The following GUCY2C variants were observed in gnomAD, a reference collection of about 807,000 sequenced individuals.
The protein encoded by GUCY2C is guanylate cyclase 2C, also known as guanylyl cyclase C.
Under a neutral mutation model 131.1 loss-of-function variants are expected in GUCY2C, and 118 were observed. The observed-to-expected ratio is 0.90, with a 90% CI of 0.78 to 1.05. The LOEUF (loss-of-function observed/expected upper bound fraction) is 1.05, where lower values mean the gene tolerates loss of function less well. Among genes scored for constraint, GUCY2C ranks in the 50% least tolerant of loss-of-function variants. The pLI is 0.00. For missense variants in GUCY2C, 1,161 were observed against 1,304.4 expected, an observed-to-expected ratio of 0.89 and a Z score of 1.69; for synonymous variants, 452 against 457.8, an observed-to-expected ratio of 0.99 and a Z score of 0.16.
In GUCY2C at chr12:14,666,758, A is replaced by G. The variant is rs184084233; in HGVS notation, c.1282+2964T>C. Reference sequence around the variant, plus strand: ...TCCAAAAAAAAAAAAAAAGAGTAAGAAAAGAAAAGAAAAAGCCTTACTGAG... The same window carrying G: ...TCCAAAAAAAAAAAAAAAGAGTAAGGAAAGAAAAGAAAAAGCCTTACTGAG... On this transcript the variant is annotated intron_variant, in intron 10 of 26. Transcript: ENST00000261170. 5.7e-3 allele frequency among the ~76,000 whole-genome samples: 863 copies of G among 151,564 alleles called. 11 individuals are homozygous for G. Among genetic ancestry groups the G allele is most frequent in the African/African-American group, 0.02 (835 of 41,236 alleles).
At position 14,621,102 on chromosome 12, in the gene GUCY2C, T is replaced by A; in HGVS notation, c.2716A>T (p.Thr906Ser). 6.2e-7 allele frequency: 1 copy of A among 1,613,836 alleles called. No homozygotes were observed. The highest frequency in any genetic ancestry group is 8.5e-7 in the Non-Finnish European group (1 of 1,179,842). Reference protein sequence around the residue: ...MALEILSFMGTFELEHLPGLP... With the variant: ...MALEILSFMGSFELEHLPGLP... Reference sequence around the variant, plus strand: ...CCAGGAAGATGCTCCAGCTCAAAGGTCCCCATGAAGCTGAGGATTTCCAAG... The same window carrying A: ...CCAGGAAGATGCTCCAGCTCAAAGGACCCCATGAAGCTGAGGATTTCCAAG... Residue 906 changes from threonine to serine, a missense_variant, in exon 23 of 27, where the codon ACC (threonine) becomes TCC (serine). Coordinates refer to ENST00000261170, the MANE Select transcript of GUCY2C (RefSeq NM_004963.4).
Position 14,654,559 on chromosome 12 carries a change from T to C in GUCY2C, c.1471-1545A>G, listed in dbSNP as rs1947725943. Among the ~76,000 whole-genome samples, 3 of 152,220 alleles carry C rather than the reference T, an allele frequency of 2.0e-5. No homozygotes were observed. In the South Asian group the frequency reaches 6.2e-4, roughly 32 times the overall value. ...TGGTCAGGTGACTCATTCATTCCGA[T>C]GAACTAATCTGTACTCATAAAAATT... On this transcript the variant is annotated intron_variant, in intron 12 of 26. Coordinates refer to ENST00000261170, the MANE Select transcript of GUCY2C (RefSeq NM_004963.4).
chr12:14,640,593 G>A (rs948434516), intron 18 of GUCY2C, among the ~76,000 whole-genome samples: 14 of 152,024 alleles, frequency 9.2e-5, no homozygotes, highest in African/African-American at 2.7e-4. Context: ...CCCTCTCCAC[G>A]TCCCTTAGTC....
chr12:14,660,560 A>G (rs974588588), intron 11 of GUCY2C, among the ~76,000 whole-genome samples: 4 of 152,218 alleles, frequency 2.6e-5, no homozygotes, highest in Admixed American at 2.6e-4. Context: ...ATGTAATTTA[A>G]TGAGTTTGAT....
chr12:14,666,201 T>C (rs1227202376), intron 10 of GUCY2C, among the ~76,000 whole-genome samples: 1 of 152,218 alleles, frequency 6.6e-6, no homozygotes, highest in East Asian at 1.9e-4. Flanking sequence ...ATGCGGCCTC[T>C]ACCTGGCTGG....
chr12:14,622,650 T>G (rs1041033913), intron 21 of GUCY2C, among the ~76,000 whole-genome samples: 2 of 152,188 alleles, frequency 1.3e-5, no homozygotes, highest in African/African-American at 4.8e-5. Context: ...TAGTTTTACT[T>G]TCCTGGCATA....
In GUCY2C at chr12:14,613,750, C is replaced by A. The variant is rs944581580; in HGVS notation, c.3048-459G>T. ...CAAGTAAGGAGCCAGGTTTCTCATG[C>A]CCCAGGGAAGATTTGGGTTGTTTTG... On this transcript the variant is annotated intron_variant, in intron 26 of 26. Coordinates refer to ENST00000261170, the MANE Select transcript of GUCY2C (RefSeq NM_004963.4). This position sits in a 1 kb window ranked among gnomAD's most constrained non-coding sequence, Gnocchi z 4.9. Among the ~76,000 whole-genome samples the A allele has an allele frequency of 2.0e-5, 3 of 152,070 alleles. No homozygotes were observed. Among genetic ancestry groups the A allele is most frequent in the Non-Finnish European group, 2.9e-5 (2 of 68,008 alleles).
chr12:14,658,116 T>C (rs1184262208), intron 11 of GUCY2C, among the ~76,000 whole-genome samples: 1 of 152,204 alleles, frequency 6.6e-6, no homozygotes, highest in Non-Finnish European at 1.5e-5. Flanking sequence ...CAGAATTATA[T>C]AGAATTATGT....
chr12:14,655,458 T>C (rs1200081351), intron 12 of GUCY2C, among the ~76,000 whole-genome samples: 1 of 152,096 alleles, frequency 6.6e-6, no homozygotes, highest in Non-Finnish European at 1.5e-5. Context: ...GGTCTTTGGA[T>C]AGACATGAGG....
chr12:14,659,686 C>T (rs1398398124), intron 11 of GUCY2C, among the ~76,000 whole-genome samples: 1 of 152,172 alleles, frequency 6.6e-6, no homozygotes, highest in Non-Finnish European at 1.5e-5. Context: ...CTCTGTACCC[C>T]AGGAGACTCT....
At chr12:14,664,243 A>G (rs539374908) in intron 10 of GUCY2C, among the ~76,000 whole-genome samples, 1 of 152,256 alleles carries the variant, frequency 6.6e-6, no homozygotes, top group East Asian at 1.9e-4. Flanking sequence ...TGTTACTACA[A>G]TCACCACTTC....
rs752373636 is a variant in GUCY2C at position 14,612,849 on chromosome 12, G to C, written c.*268C>G. ...AAGAATAAAATCTTCTCAAGTTCTAGATAGTCTATTCATTTCTTTTCTTTT... is the reference window on the plus strand; with the variant it reads ...AAGAATAAAATCTTCTCAAGTTCTACATAGTCTATTCATTTCTTTTCTTTT... On this transcript the variant is annotated 3_prime_UTR_variant, in exon 27 of 27. Transcript: ENST00000261170. 8.4e-5 allele frequency: 30 copies of C among 358,534 alleles called. 1 individual carries two copies. Among genetic ancestry groups the C allele is most frequent in the Non-Finnish European group, 1.2e-4 (23 of 199,416 alleles). 22.2% of individuals were successfully genotyped at this position (358,534 alleles called of 1,614,324 possible).
rs1198305743 is a variant in GUCY2C, at chr12:14,619,221, G to A, written c.2865C>T (p.Ser955=). ...DTVNTASRME[S]TGLPLRIHVS... ...AGTCTCCCTTCTTACGGAGGCCAGT[G>A]GATTCCATCCTAGAGGCTGTGTTGA... The change falls in exon 24 of 27, where the codon TCC becomes TCT. Residue 955 remains serine (S), a synonymous_variant. Coordinates refer to ENST00000261170, the MANE Select transcript of GUCY2C (RefSeq NM_004963.4). The A allele has an allele frequency of 2.5e-6, 4 of 1,598,576 alleles. No individual in the cohort carries two copies. Among genetic ancestry groups the A allele is most frequent in the Non-Finnish European group, 3.4e-6 (4 of 1,165,986 alleles).
chr12:14,633,496 A>G (rs900032187), intron 19 of GUCY2C, among the ~76,000 whole-genome samples: 1 of 152,212 alleles, frequency 6.6e-6, no homozygotes, highest in Admixed American at 6.5e-5. Flanking sequence ...TAAAGACACA[A>G]GAAGCATGAA....
chr12:14,633,254 C>T (rs1005732108), intron 19 of GUCY2C, among the ~76,000 whole-genome samples: 2 of 152,210 alleles, frequency 1.3e-5, no homozygotes, highest in African/African-American at 4.8e-5. Context: ...CAAAACGTCA[C>T]TACTGCCTCC....
At chr12:14,680,688 AT>A (rs918846027) in intron 5 of GUCY2C, among the ~76,000 whole-genome samples, 100 of 152,224 alleles carry the variant, frequency 6.6e-4, no homozygotes, top group African/African-American at 2.3e-3. Flanking sequence ...ATTTGAATAG[AT>A]TTTTGCGGGA....
Position 14,693,428 on chromosome 12 carries a change from G to T in GUCY2C, c.217+2804C>A, listed in dbSNP as rs369106549. On this transcript the variant is annotated intron_variant, in intron 1 of 26. Transcript: ENST00000261170. ...CTTTTTTTCATGTTCTTTCCCACTA[G>T]ATCCTGAATGTTCTTCAAGACCCTC... Among the ~76,000 whole-genome samples the T allele has an allele frequency of 2.3e-4, 35 of 152,122 alleles. 1 individual carries two copies. The highest frequency in any genetic ancestry group is 8.4e-4 in the African/African-American group (35 of 41,494).
chr12:14,671,338 G>T (rs570833412), intron 9 of GUCY2C, among the ~76,000 whole-genome samples: 1 of 152,000 alleles, frequency 6.6e-6, no homozygotes, highest in African/African-American at 2.4e-5. Context: ...GGGTTTTACC[G>T]CGTTGGCCAG....
rs115380674 is a variant in GUCY2C, at chr12:14,642,328, G to A, written c.1931-1109C>T. Among the ~76,000 whole-genome samples, 727 of 152,150 alleles carry A rather than the reference G, an allele frequency of 4.8e-3. 7 individuals are homozygous for A. The highest frequency in any genetic ancestry group is 0.017 in the African/African-American group (688 of 41,508). On this transcript the variant is annotated intron_variant, in intron 17 of 26. Coordinates refer to ENST00000261170, the MANE Select transcript of GUCY2C (RefSeq NM_004963.4). ...ATTACACACCTTATTTAGTAATAAC[G>A]GGCATGCAATTAATTTTTCTTCAAC...
Sources: gnomAD v4.1 joint callset for allele counts (sites outside exome capture counted in the v4.1 genomes callset) on GRCh38, gnomAD v4.1.1 for gene constraint, Gnocchi (gnomAD v3.1) non-coding constraint, MANE v1.5 for transcripts, NCBI Gene and HGNC (gene_info 2026-07-23, HGNC 2026-07-21) for gene names.